PLCE1: variants seen among roughly 807,000 people sequenced by gnomAD.
PLCE1 encodes the protein 1-phosphatidylinositol 4,5-bisphosphate phosphodiesterase epsilon-1.
In PLCE1, 119 loss-of-function variants were observed where a neutral mutation model predicts 242.8. The ratio of observed to expected loss-of-function variants is 0.49; its 90% confidence interval spans 0.42 to 0.57. PLCE1 has a LOEUF of 0.57. Among genes scored for constraint, PLCE1 ranks in the 20% least tolerant of loss-of-function variants. PLCE1 has a pLI of 0.00. For missense variants in PLCE1, 2,441 were observed against 2,788.8 expected, an observed-to-expected ratio of 0.88 and a Z score of 2.81; for synonymous variants, 945 against 1,017.4, an observed-to-expected ratio of 0.93 and a Z score of 1.35.
At chr10:94,311,040 A>G (rs2053371457) in intron 27 of PLCE1, among the ~76,000 whole-genome samples, 1 of 152,162 alleles carries the variant, frequency 6.6e-6, no homozygotes, top group African/African-American at 2.4e-5. Context: ...AGTTGATCAG[A>G]ACAGATGTAC....
chr10:94,298,792 T>A lies in PLCE1; in HGVS notation c.5458+123T>A. Reference sequence around the variant, plus strand: ...GGCACACCATATGTGAGAGTAAAAATATGATGATGGAAAACAGAAGTGAAT... The same window carrying A: ...GGCACACCATATGTGAGAGTAAAAAAATGATGATGGAAAACAGAAGTGAAT... On this transcript the variant is annotated intron_variant, in intron 24 of 32. Coordinates refer to ENST00000371380, the MANE Select transcript of PLCE1 (RefSeq NM_016341.4). The surrounding 1 kb of genome is among the most constrained non-coding windows in gnomAD (Gnocchi z 5.2). 1 of 967,494 alleles carries A rather than the reference T, an allele frequency of 1.0e-6. No individual in the cohort carries two copies. Among genetic ancestry groups the A allele is most frequent in the Non-Finnish European group, 1.7e-6 (1 of 605,874 alleles). The allele number at this position is 967,494 out of a possible 1,614,324, so 59.9% of individuals were successfully genotyped here. A position where few individuals can be genotyped will look rare whatever the true frequency, so the allele number is the denominator to read the frequency against.
intron 1 of PLCE1, among the ~76,000 whole-genome samples, chr10:94,024,671 T>C (rs950878316): frequency 6.6e-6 from 1 of 152,150 alleles, no homozygotes; most frequent in Non-Finnish European, 1.5e-5. Flanking sequence ...GTTATTGTTG[T>C]TAAGTCACAC....
At chr10:94,090,912 T>C (rs1304449108) in intron 2 of PLCE1, among the ~76,000 whole-genome samples, 2 of 152,230 alleles carry the variant, frequency 1.3e-5, no homozygotes, top group African/African-American at 4.8e-5. Flanking sequence ...CTGTAATCTT[T>C]AGGAAAAGAA....
intron 23 of PLCE1, among the ~76,000 whole-genome samples, chr10:94,297,112 C>T (rs2052853029): frequency 1.3e-5 from 2 of 152,176 alleles, no homozygotes; most frequent in Non-Finnish European, 2.9e-5. Flanking sequence ...TGGTGATCCA[C>T]CCGCCTCAGC....
At chr10:94,313,525 T>G in intron 28 of PLCE1, 143 bp downstream of exon 28, 1 of 952,468 alleles carries the variant, frequency 1.0e-6, no homozygotes, top group Non-Finnish European at 1.7e-6. Flanking sequence ...TTTTGATTAT[T>G]TGGAAATGTG....
intron 14 of PLCE1, 59 bp downstream of exon 14, chr10:94,262,791 T>C: frequency 1.9e-6 from 2 of 1,067,698 alleles, no homozygotes; most frequent in East Asian, 2.4e-5. Flanking sequence ...TCTAATAATT[T>C]GCTGCTAAAT....
At chr10:94,235,181 G>A (rs1385578052) in intron 6 of PLCE1, among the ~76,000 whole-genome samples, 1 of 151,694 alleles carries the variant, frequency 6.6e-6, no homozygotes, top group African/African-American at 2.4e-5. Context: ...GGGAGCAAAG[G>A]CATCACCTGA....
chr10:94,170,629 G>A (rs1290100423), intron 3 of PLCE1, among the ~76,000 whole-genome samples: 1 of 152,178 alleles, frequency 6.6e-6, no homozygotes, highest in African/African-American at 2.4e-5. Context: ...ATAGATATCA[G>A]TGAAATCAAA....
chr10:94,253,058 A>G (rs1177809244), intron 9 of PLCE1, among the ~76,000 whole-genome samples: 6 of 152,250 alleles, frequency 3.9e-5, no homozygotes, highest in African/African-American at 1.2e-4. Context: ...TGTAAAGTAT[A>G]TTAGCACTGT....
chr10:94,255,912 ACACTCTCTCTCTCTCTCTCTCTCT>A (rs2051064898), intron 11 of PLCE1, among the ~76,000 whole-genome samples: 1 of 86,964 alleles, frequency 1.1e-5, no homozygotes, highest in Admixed American at 1.1e-4. Flanking sequence ...ACACACACAC[ACACTCTCTCTCTCTCTCTCTCTCT>A]CTCTCTCTCT....
chr10:94,181,358 G>T (rs952403924), intron 4 of PLCE1, among the ~76,000 whole-genome samples: 6 of 152,060 alleles, frequency 3.9e-5, no homozygotes, highest in Non-Finnish European at 5.9e-5. Flanking sequence ...GGATCACAAG[G>T]TCAGGAGATC....
At chr10:94,318,069 C>T (rs565492223) in intron 29 of PLCE1, among the ~76,000 whole-genome samples, 1 of 152,268 alleles carries the variant, frequency 6.6e-6, no homozygotes, top group South Asian at 2.1e-4. Context: ...CCTAAAGCCT[C>T]TACAGAGCTC....
At chr10:94,200,556 T>C (rs974927252) in intron 4 of PLCE1, among the ~76,000 whole-genome samples, 3 of 152,190 alleles carry the variant, frequency 2.0e-5, no homozygotes, top group African/African-American at 7.2e-5. Context: ...TAGACAAATC[T>C]GTGCAAAAGA....
intron 4 of PLCE1, among the ~76,000 whole-genome samples, chr10:94,213,997 A>G (rs2049430705): frequency 6.6e-6 from 1 of 152,162 alleles, no homozygotes; most frequent in Admixed American, 6.5e-5. Context: ...GAGCGAGGAA[A>G]TAAGAGTCTC....
chr10:93,998,627 G>C (rs1359474001), intron 1 of PLCE1, among the ~76,000 whole-genome samples: 1 of 152,164 alleles, frequency 6.6e-6, no homozygotes, highest in East Asian at 1.9e-4. Context: ...ACTTTGCATA[G>C]AGACAGACAC....
At chr10:94,212,535 C>T (rs941048391) in intron 4 of PLCE1, among the ~76,000 whole-genome samples, 2 of 152,284 alleles carry the variant, frequency 1.3e-5, no homozygotes, top group East Asian at 1.9e-4. Flanking sequence ...GGATTACAGG[C>T]ATGAGCCACC....
rs2054136781 is a variant in PLCE1 at position 94,329,798 on chromosome 10, A to AAAC, written c.*1857_*1858insCAA. 6.6e-6 allele frequency: 1 copy of AAAC among 150,486 alleles called. No homozygotes were observed. Among genetic ancestry groups the AAAC allele is most frequent in the Non-Finnish European group, 1.5e-5 (1 of 67,918 alleles). 9.3% of individuals were successfully genotyped at this position (150,486 alleles called of 1,614,324 possible). ...TCTCAAAAAAAAAAAAAAAAAAAAA[A>AAAC]AAAAAAAAAAAAACACCATACAGCT... is the stretch of plus-strand genomic sequence containing the variant. On this transcript the variant is annotated 3_prime_UTR_variant, in exon 33 of 33. Transcript: ENST00000371380.
At chr10:94,206,195 G>A (rs1195013563) in intron 4 of PLCE1, among the ~76,000 whole-genome samples, 3 of 152,066 alleles carry the variant, frequency 2.0e-5, no homozygotes, top group African/African-American at 7.2e-5. Flanking sequence ...GAGGGTTGAG[G>A]GAATGAGCTA....
At chr10:94,108,844 A>G (rs774401668) in intron 2 of PLCE1, 1 of 152,222 alleles carries the variant, frequency 6.6e-6, no homozygotes, top group Non-Finnish European at 1.5e-5. Context: ...AGCACAATAC[A>G]TCATACACAG....
Sources: gnomAD v4.1 joint callset for allele counts (sites outside exome capture counted in the v4.1 genomes callset) on GRCh38, gnomAD v4.1.1 for gene constraint, Gnocchi (gnomAD v3.1) non-coding constraint, MANE v1.5 for transcripts, NCBI Gene and HGNC (gene_info 2026-07-23, HGNC 2026-07-21) for gene names.